VIRMA: variants seen among roughly 807,000 people sequenced by gnomAD.
VIRMA encodes protein virilizer homolog.
VIRMA carries 65 observed loss-of-function variants against 182.4 expected under a neutral mutation model. That is an observed-to-expected ratio of 0.36 (90% CI 0.29 to 0.44). The LOEUF (loss-of-function observed/expected upper bound fraction) is 0.44, where lower values mean the gene tolerates loss of function less well. Ranked by LOEUF, VIRMA falls within the 20% of genes least tolerant of loss-of-function variation. VIRMA has a pLI of 1.00. For missense variants in VIRMA, 1,752 were observed against 2,158.1 expected (o/e 0.81, Z 3.73); for synonymous variants, 709 against 743.1 (o/e 0.95, Z 0.75).
At chr8:94,537,766 C>A (rs1227618747) in intron 3 of VIRMA, among the ~76,000 whole-genome samples, 1 of 151,520 alleles carries the variant, frequency 6.6e-6, no homozygotes, top group Non-Finnish European at 1.5e-5. Context: ...GCAGACATCA[C>A]AACAACAGGT....
At chr8:94,496,857 C>T (rs1813797634) in intron 17 of VIRMA, 1 of 162,760 alleles carries the variant, frequency 6.1e-6, no homozygotes. Flanking sequence ...ACACAAACAA[C>T]TAAAGAAAAT....
chr8:94,547,608 G>A (rs144283476), intron 1 of VIRMA, among the ~76,000 whole-genome samples: 252 of 150,438 alleles, frequency 1.7e-3, no homozygotes, highest in Middle Eastern at 0.01. Context: ...TTCCAGTATC[G>A]ACCTAGTCTC....
At chr8:94,521,718 T>G (rs1210184883) in intron 8 of VIRMA, among the ~76,000 whole-genome samples, 4 of 152,206 alleles carry the variant, frequency 2.6e-5, no homozygotes, top group Non-Finnish European at 5.9e-5. Context: ...TGTCAAAAGC[T>G]GAAACTGCTT....
In VIRMA at chr8:94,534,970, T is replaced by C. The variant is rs1815292000; in HGVS notation, c.353A>G (p.Asn118Ser). 1.9e-6 allele frequency: 3 copies of C among 1,612,012 alleles called. No individual in the cohort carries two copies. Among genetic ancestry groups the C allele is most frequent in the Non-Finnish European group, 2.5e-6 (3 of 1,179,514 alleles). The change falls in exon 5 of 24, where the codon AAC becomes AGC. Residue 118 changes from asparagine to serine, a missense_variant. Around this residue, in one of 11 missense-constraint regions of VIRMA, gnomAD observed 195 missense variants for 191.7 expected, o/e 1.02. Transcript: ENST00000297591. ...TCCATATATTGCCAGTGTCAGACAG[T>C]TATACCAGCCTCTTAGCACCAGACC... ...TDGLVLRGWY[N>S]CLTLAIYGSV...
intron 3 of VIRMA, 27 bp from the exon 4 acceptor site, chr8:94,537,178 T>G (rs751212495): frequency 6.8e-7 from 1 of 1,467,836 alleles, no homozygotes; most frequent in Admixed American, 1.7e-5. Flanking sequence ...AATAAATATG[T>G]AAGCTCAAAC....
chr8:94,550,278 T>G (rs955485774), intron 1 of VIRMA, among the ~76,000 whole-genome samples: 1 of 149,704 alleles, frequency 6.7e-6, no homozygotes, highest in Non-Finnish European at 1.5e-5. Context: ...TCACCTCTAT[T>G]TTCTCTGAAC....
chr8:94,507,611 C>A (rs898958669), intron 15 of VIRMA, among the ~76,000 whole-genome samples: 1 of 151,688 alleles, frequency 6.6e-6, no homozygotes, highest in African/African-American at 2.4e-5. Flanking sequence ...AAAAATTAGC[C>A]AAGCATGGTG....
intron 1 of VIRMA, among the ~76,000 whole-genome samples, chr8:94,546,240 C>A (rs1057061640): frequency 2.2e-4 from 33 of 151,012 alleles, no homozygotes; most frequent in Non-Finnish European, 5.9e-5. Flanking sequence ...GGACCTCTCT[C>A]CTGAGCCCCA....
chr8:94,551,791 C>T (rs965602932), intron 1 of VIRMA, among the ~76,000 whole-genome samples: 8 of 152,216 alleles, frequency 5.3e-5, no homozygotes, highest in African/African-American at 1.7e-4. Flanking sequence ...GTGGTGTGAT[C>T]TTAGCTCACT....
chr8:94,509,328 T>C (rs1364253949), intron 15 of VIRMA, among the ~76,000 whole-genome samples: 1 of 149,754 alleles, frequency 6.7e-6, no homozygotes, highest in Non-Finnish European at 1.5e-5. Context: ...TTGAACCCAG[T>C]GGGGCAGAGG....
chr8:94,494,713 T>C, intron 20 of VIRMA, 147 bp downstream of exon 20: 1 of 488,820 alleles, frequency 2.0e-6, no homozygotes, highest in Middle Eastern at 5.6e-4. Context: ...TGCCATGAAG[T>C]GGGCAAGTGG....
At chr8:94,510,180 TC>T (rs1179390770) in intron 14 of VIRMA, among the ~76,000 whole-genome samples, 1 of 152,136 alleles carries the variant, frequency 6.6e-6, no homozygotes, top group Non-Finnish European at 1.5e-5. Context: ...CATTTGAAAA[TC>T]CCAAATCAAG....
intron 8 of VIRMA, among the ~76,000 whole-genome samples, chr8:94,521,045 T>C (rs79016772): frequency 0.15 from 22,426 of 150,202 alleles, 2,072 homozygotes; most frequent in South Asian, 0.3. Context: ...TTTATCTCTT[T>C]TTTTTTTTTA....
intron 1 of VIRMA, among the ~76,000 whole-genome samples, chr8:94,547,989 CACACCACT>C (rs2130398506): frequency 1.4e-5 from 2 of 139,006 alleles, no homozygotes; most frequent in East Asian, 3.9e-4. Flanking sequence ...AAGCCATAAG[CACACCACT>C]GCACTCCAAC....
intron 1 of VIRMA, among the ~76,000 whole-genome samples, chr8:94,551,398 T>C (rs74879034): frequency 0.04 from 6,066 of 152,314 alleles, 131 homozygotes; most frequent in Non-Finnish European, 0.05. Flanking sequence ...TATGTGATCA[T>C]CACATTCTAA....
chr8:94,540,378 A>G (rs1586109260), intron 2 of VIRMA, among the ~76,000 whole-genome samples: 1 of 151,872 alleles, frequency 6.6e-6, no homozygotes, highest in South Asian at 2.1e-4. Flanking sequence ...ATAACAACAT[A>G]TATTTGCCTT....
chr8:94,531,799 C>T lies in VIRMA; in HGVS notation c.485-714G>A, dbSNP rs148850452. Among the ~76,000 whole-genome samples, 508 of 152,310 alleles carry T rather than the reference C, an allele frequency of 3.3e-3. 1 individual carries two copies. The highest frequency in any genetic ancestry group is 0.012 in the African/African-American group (491 of 41,566). The stretch of plus-strand genomic sequence containing the variant: ...AAACAGAGACTACCCAAATGTCCTT[C>T]AACAGGTGAGCAGTTAAATTTTGGT... On this transcript the variant is annotated intron_variant, in intron 5 of 23. Transcript: ENST00000297591.
At chr8:94,492,531 C>G in intron 21 of VIRMA, 121 bp downstream of exon 21, 1 of 706,172 alleles carries the variant, frequency 1.4e-6, no homozygotes, top group Non-Finnish European at 2.3e-6. Context: ...CTCGGCCTCC[C>G]AAAATGCTGG....
intron 2 of VIRMA, among the ~76,000 whole-genome samples, chr8:94,541,843 T>C (rs1815565880): frequency 7.1e-6 from 1 of 140,188 alleles, no homozygotes; most frequent in African/African-American, 2.6e-5. Flanking sequence ...TGCCTGGCCC[T>C]CACTCTTACA....
Sources: allele counts gnomAD v4.1 joint callset (sites outside exome capture counted in the v4.1 genomes callset), GRCh38; gene constraint gnomAD v4.1.1; regional missense constraint gnomAD v4.1.1; transcripts MANE v1.5; gene names NCBI Gene and HGNC (gene_info 2026-07-23, HGNC 2026-07-21).